The following TENM2 variants were observed in gnomAD, a reference collection of about 807,000 sequenced individuals.
TENM2 encodes teneurin transmembrane protein 2.
A neutral mutation model predicts 245.2 loss-of-function variants in TENM2; 52 were observed. The observed-to-expected ratio is 0.21, with a 90% CI of 0.17 to 0.27. TENM2 has a LOEUF of 0.27. TENM2 is among the 10% of genes least tolerant of loss of function. The pLI is 1.00. For synonymous variants in TENM2, 1,363 were observed against 1,438.9 expected, an observed-to-expected ratio of 0.95 and a Z score of 1.19; for missense variants, 3,046 against 3,666.8, an observed-to-expected ratio of 0.83 and a Z score of 4.37.
At chr5:168,239,467 A>AC (rs1765898080) in intron 25 of TENM2, among the ~76,000 whole-genome samples, 1 of 152,176 alleles carries the variant, frequency 6.6e-6, no homozygotes, top group Non-Finnish European at 1.5e-5. Context: ...TAGTTGGTGC[A>AC]CCTGGGTCAA....
At chr5:167,612,852 G>T (rs1357316209) in intron 2 of TENM2, among the ~76,000 whole-genome samples, 3 of 152,040 alleles carry the variant, frequency 2.0e-5, no homozygotes, top group Admixed American at 6.6e-5. Flanking sequence ...GTGGCATTTG[G>T]AAAATCTTCA....
chr5:167,943,133 A>G (rs1779322199), intron 3 of TENM2, among the ~76,000 whole-genome samples: 2 of 152,342 alleles, frequency 1.3e-5, no homozygotes, highest in East Asian at 1.9e-4. Flanking sequence ...CCTATAAGGC[A>G]TGTACCAGGA....
chr5:167,229,631 G>A, the TENM2 span, among the ~76,000 whole-genome samples: 2 of 152,172 alleles, frequency 1.3e-5, no homozygotes, highest in Non-Finnish European at 2.9e-5. Flanking sequence ...AGAGCCCAAG[G>A]GAAGTTTCAG....
At chr5:167,527,463 C>A (rs1771199735) in intron 2 of TENM2, among the ~76,000 whole-genome samples, 1 of 151,992 alleles carries the variant, frequency 6.6e-6, no homozygotes, top group African/African-American at 2.4e-5. Flanking sequence ...GTGTTGCATT[C>A]TCTGGACTCT....
chr5:168,060,547 T>C (rs935478800), intron 6 of TENM2, among the ~76,000 whole-genome samples: 1 of 152,222 alleles, frequency 6.6e-6, no homozygotes, highest in Non-Finnish European at 1.5e-5. Context: ...TGAAGGAGGC[T>C]TCCAAACTTC....
At position 167,738,092 on chromosome 5, in the gene TENM2, C is replaced by T. The variant is rs1582878955; in HGVS notation, c.503-137894C>T. Among the ~76,000 whole-genome samples, 2 of 152,348 alleles carry T rather than the reference C, an allele frequency of 1.3e-5. 1 individual carries two copies. Among genetic ancestry groups the T allele is most frequent in the Middle Eastern group, 6.8e-3 (2 of 294 alleles). On this transcript the variant is annotated intron_variant, in intron 2 of 28. Transcript: ENST00000518659. Reference sequence around the variant, plus strand: ...GTTTTATTTTGTCCTTGCTTTTCAGCATTTGCTGGGCACCCACAGGGTTCT... The same window carrying T: ...GTTTTATTTTGTCCTTGCTTTTCAGTATTTGCTGGGCACCCACAGGGTTCT...
At chr5:167,159,635 A>T in the TENM2 span, among the ~76,000 whole-genome samples, 3 of 152,238 alleles carry the variant, frequency 2.0e-5, no homozygotes, top group East Asian at 3.9e-4. Flanking sequence ...ATTTAAAAAC[A>T]TCATTTTAAA....
chr5:167,085,708 A>G, the TENM2 span, among the ~76,000 whole-genome samples: 1 of 152,220 alleles, frequency 6.6e-6, no homozygotes, highest in Non-Finnish European at 1.5e-5. Flanking sequence ...TGGTTTGTCT[A>G]GATCACACAG....
chr5:167,517,803 C>T (rs1770481371), intron 2 of TENM2, among the ~76,000 whole-genome samples: 1 of 152,112 alleles, frequency 6.6e-6, no homozygotes, highest in Non-Finnish European at 1.5e-5. Flanking sequence ...CAACTGACTT[C>T]TGTTGTGTCC....
chr5:167,044,036 A>G, the TENM2 span, among the ~76,000 whole-genome samples: 31,082 of 128,384 alleles, frequency 0.24, 5,297 homozygotes, highest in African/African-American at 0.44. Context: ...TAGTAAGGAC[A>G]GAAGGAAGGA....
chr5:167,860,077 T>C (rs1392176473), intron 2 of TENM2, among the ~76,000 whole-genome samples: 51 of 19,272 alleles, frequency 2.6e-3, no homozygotes, highest in Admixed American at 4.5e-3. Context: ...TCAGCCCCCC[T>C]GCCCGGCCAG....
At chr5:167,270,256 T>G in the TENM2 span, among the ~76,000 whole-genome samples, 2 of 152,192 alleles carry the variant, frequency 1.3e-5, 1 homozygote, top group South Asian at 4.1e-4. Context: ...TCATTTAGAA[T>G]ACTGGTACTT....
intron 1 of TENM2, among the ~76,000 whole-genome samples, chr5:167,288,974 A>T (rs1754477562): frequency 6.6e-6 from 1 of 152,208 alleles, no homozygotes; most frequent in Admixed American, 6.5e-5. Flanking sequence ...ATGATACAGG[A>T]ACTGTAGTTA....
At chr5:167,136,219 G>A in the TENM2 span, among the ~76,000 whole-genome samples, 42 of 152,078 alleles carry the variant, frequency 2.8e-4, no homozygotes, top group Admixed American at 2.3e-3. Context: ...TTTGTCTTGT[G>A]GTTCTATTCT....
the TENM2 span, among the ~76,000 whole-genome samples, chr5:167,007,482 G>C: frequency 1.3e-5 from 2 of 152,192 alleles, no homozygotes; most frequent in Non-Finnish European, 2.9e-5. This position sits in a 1 kb window ranked among gnomAD's most constrained non-coding sequence, Gnocchi z 4.2. Flanking sequence ...TATCAAAAGC[G>C]AAAAGTTACT....
chr5:167,640,005 GT>G (rs1779451490), intron 2 of TENM2, among the ~76,000 whole-genome samples: 1 of 152,178 alleles, frequency 6.6e-6, no homozygotes, highest in African/African-American at 2.4e-5. Context: ...TGATAGTGCA[GT>G]TCTAGGAAAT....
intron 2 of TENM2, among the ~76,000 whole-genome samples, chr5:167,828,560 G>C (rs1768184320): frequency 6.6e-6 from 1 of 152,068 alleles, no homozygotes; most frequent in Admixed American, 6.6e-5. Flanking sequence ...ATAAATATTT[G>C]TTTAATGAGT....
At chr5:167,765,451 G>C (rs1185519782) in intron 2 of TENM2, among the ~76,000 whole-genome samples, 1 of 152,100 alleles carries the variant, frequency 6.6e-6, no homozygotes, top group Non-Finnish European at 1.5e-5. Context: ...CTGAATAAAG[G>C]GGATGTCAGT....
intron 2 of TENM2, among the ~76,000 whole-genome samples, chr5:167,577,615 GT>G (rs1460536382): frequency 6.6e-6 from 1 of 151,922 alleles, no homozygotes; most frequent in Non-Finnish European, 1.5e-5. Flanking sequence ...ACCCATAGTG[GT>G]TTTTTTCTTC....
Sources: gnomAD v4.1 joint callset for allele counts (sites outside exome capture counted in the v4.1 genomes callset) on GRCh38, gnomAD v4.1.1 for gene constraint, Gnocchi (gnomAD v3.1) non-coding constraint, MANE v1.5 for transcripts, NCBI Gene and HGNC (gene_info 2026-07-23, HGNC 2026-07-21) for gene names.